Variants in STEAP1B observed in about 807,000 individuals in gnomAD.
STEAP1B encodes the protein STEAP family member 1B.
In STEAP1B, 13 loss-of-function variants were observed where a neutral mutation model predicts 27.9. The observed-to-expected ratio is 0.47, with a 90% CI of 0.30 to 0.74. The LOEUF is 0.74. Ranked by LOEUF, STEAP1B falls within the 30% of genes least tolerant of loss-of-function variation. The pLI is 0.06. For missense variants in STEAP1B, 250 were observed against 298.7 expected, an observed-to-expected ratio of 0.84 and a Z score of 1.20; for synonymous variants, 86 against 107.1, an observed-to-expected ratio of 0.80 and a Z score of 1.22.
At chr7:22,448,340 G>C (rs1043348979) in intron 4 of STEAP1B, among the ~76,000 whole-genome samples, 1 of 152,128 alleles carries the variant, frequency 6.6e-6, no homozygotes, top group Admixed American at 6.5e-5. Flanking sequence ...AATATAGATA[G>C]AAATGATATA....
At chr7:22,444,709 GCC>G (rs2128402838) in intron 4 of STEAP1B, among the ~76,000 whole-genome samples, 1 of 152,344 alleles carries the variant, frequency 6.6e-6, no homozygotes, top group South Asian at 2.1e-4. Flanking sequence ...CAGGCTCGCT[GCC>G]AGTTAGGAAG....
chr7:22,493,330 A>G lies in STEAP1B; in HGVS notation c.591T>C (p.Tyr197=). 1.2e-6 allele frequency: 2 copies of G among 1,611,286 alleles called. No homozygotes were observed. The highest frequency in any genetic ancestry group is 1.7e-4 in the Middle Eastern group (1 of 6,054). The stretch of plus-strand genomic sequence containing the variant: ...GACATCATTGTCATCTCACCTGTTG[A>G]TATGCCCAGTTTAGCAACTTGTATC... ...SYRYKLLNWA[Y]QQVQQNKEDA... The change falls in exon 3 of 5, where the codon TAT becomes TAC. Residue 197 remains tyrosine, a synonymous_variant. Transcript: ENST00000678116.
At chr7:22,478,080 G>A (rs1786004152) in intron 4 of STEAP1B, among the ~76,000 whole-genome samples, 1 of 152,172 alleles carries the variant, frequency 6.6e-6, no homozygotes. Context: ...GAGTGGGGTG[G>A]GCGCTCAGGG....
chr7:22,422,619 G>A (rs1449179102), intron 4 of STEAP1B, among the ~76,000 whole-genome samples: 2 of 151,800 alleles, frequency 1.3e-5, no homozygotes, highest in South Asian at 2.1e-4. Flanking sequence ...TCAGCCTCCC[G>A]AGTAGCCGGG....
intron 4 of STEAP1B, among the ~76,000 whole-genome samples, chr7:22,437,165 T>C (rs1785265898): frequency 6.6e-6 from 1 of 152,214 alleles, no homozygotes; most frequent in Non-Finnish European, 1.5e-5. Context: ...TTTTAAAGTA[T>C]ACATTATAAA....
chr7:22,435,751 G>T (rs1359641397), intron 4 of STEAP1B, among the ~76,000 whole-genome samples: 2 of 152,224 alleles, frequency 1.3e-5, no homozygotes, highest in African/African-American at 4.8e-5. Flanking sequence ...GAGAGGTAAA[G>T]AGAGAAGTGA....
chr7:22,467,217 G>A (rs963401127), intron 4 of STEAP1B, among the ~76,000 whole-genome samples: 1 of 152,172 alleles, frequency 6.6e-6, no homozygotes, highest in Non-Finnish European at 1.5e-5. Context: ...AAGCCCCAAG[G>A]ATGCTATTTT....
intron 4 of STEAP1B, among the ~76,000 whole-genome samples, chr7:22,483,669 T>C: frequency 6.6e-6 from 1 of 152,214 alleles, no homozygotes; most frequent in Non-Finnish European, 1.5e-5. Context: ...TGATCTTTGA[T>C]GTTACTACCG....
chr7:22,480,300 A>G (rs952486746), intron 4 of STEAP1B, among the ~76,000 whole-genome samples: 3 of 152,122 alleles, frequency 2.0e-5, no homozygotes, highest in African/African-American at 7.2e-5. Flanking sequence ...CATACACAGC[A>G]TTTTTCTTTC....
intron 4 of STEAP1B, among the ~76,000 whole-genome samples, chr7:22,467,719 A>G (rs1436386643): frequency 2.0e-5 from 3 of 151,968 alleles, no homozygotes; most frequent in Non-Finnish European, 4.4e-5. Flanking sequence ...TTCCGCCATG[A>G]TTGTGAGGCC....
Position 22,428,516 on chromosome 7 carries a change from A to G in STEAP1B, c.763-8680T>C, listed in dbSNP as rs1232061522. 7.4e-3 allele frequency among the ~76,000 whole-genome samples: 28 copies of G among 3,776 alleles called. 1 individual carries two copies. In the Admixed American group the frequency reaches 0.14, roughly 19 times the overall value. 2.5% of individuals were successfully genotyped at this position (3,776 alleles called of 152,430 possible). Reference sequence around the variant, plus strand: ...GAGGAAGATGAGGGAGAGAAAGAGAAAGGAGGAAAGATGAACGGTCCAACT... The same window carrying G: ...GAGGAAGATGAGGGAGAGAAAGAGAGAGGAGGAAAGATGAACGGTCCAACT... On this transcript the variant is annotated intron_variant, in intron 4 of 4. Transcript: ENST00000678116.
At chr7:22,497,114 A>G (rs1583358161) in intron 1 of STEAP1B, among the ~76,000 whole-genome samples, 1 of 152,188 alleles carries the variant, frequency 6.6e-6, no homozygotes, top group Non-Finnish European at 1.5e-5. Context: ...TCGTCACAGA[A>G]GTGGGTATAT....
chr7:22,423,750 C>G (rs1439829053), intron 4 of STEAP1B, among the ~76,000 whole-genome samples: 6 of 152,156 alleles, frequency 3.9e-5, no homozygotes, highest in Non-Finnish European at 8.8e-5. Flanking sequence ...TAAAATAGGC[C>G]AGGCACAGTG....
intron 4 of STEAP1B, among the ~76,000 whole-genome samples, chr7:22,456,716 C>G (rs940228227): frequency 6.6e-6 from 1 of 151,816 alleles, no homozygotes; most frequent in Admixed American, 6.6e-5. Flanking sequence ...CCAGCCAATC[C>G]TTTCGAGATG....
At chr7:22,434,884 TTTG>T (rs1268519573) in intron 4 of STEAP1B, among the ~76,000 whole-genome samples, 14 of 152,192 alleles carry the variant, frequency 9.2e-5, no homozygotes, top group African/African-American at 3.4e-4. Flanking sequence ...TGCCCTAGAA[TTTG>T]TTAATTTATT....
At chr7:22,467,712 C>G (rs879806440) in intron 4 of STEAP1B, among the ~76,000 whole-genome samples, 1 of 152,138 alleles carries the variant, frequency 6.6e-6, no homozygotes. Flanking sequence ...TTTTACCTTC[C>G]GCCATGATTG....
At chr7:22,428,523 A>G (rs1785137741) in intron 4 of STEAP1B, among the ~76,000 whole-genome samples, 1 of 3,056 alleles carries the variant, frequency 3.3e-4, no homozygotes, top group African/African-American at 3.5e-4. Context: ...AGAAAGGAGG[A>G]AAGATGAACG....
intron 4 of STEAP1B, among the ~76,000 whole-genome samples, chr7:22,483,601 C>T (rs1246560140): frequency 1.3e-5 from 2 of 152,144 alleles, no homozygotes; most frequent in African/African-American, 4.8e-5. Context: ...TTTGGTGATT[C>T]AATATTTCAA....
intron 4 of STEAP1B, among the ~76,000 whole-genome samples, chr7:22,451,210 G>A (rs1450530560): frequency 6.6e-6 from 1 of 151,526 alleles, no homozygotes; most frequent in African/African-American, 2.4e-5. Flanking sequence ...AAAAAGAAAA[G>A]AAAATTACTT....
Sources: allele counts gnomAD v4.1 joint callset (sites outside exome capture counted in the v4.1 genomes callset), GRCh38; gene constraint gnomAD v4.1.1; transcripts MANE v1.5; gene names NCBI Gene and HGNC (gene_info 2026-07-23, HGNC 2026-07-21).